Variants in SART1 observed in about 807,000 individuals in gnomAD.
SART1 encodes the protein spliceosome associated factor 1, recruiter of U4/U6.U5 tri-snRNP, also known as U4/U6.U5 tri-snRNP-associated protein 1.
Under a neutral mutation model 105.0 loss-of-function variants are expected in SART1, and 28 were observed. The ratio of observed to expected loss-of-function variants is 0.27; its 90% CI spans 0.20 to 0.37. SART1 has a LOEUF of 0.37. SART1 is among the 10% of genes least tolerant of loss of function. The pLI, the probability that SART1 is intolerant of heterozygous loss-of-function variation, is 1.00. For synonymous variants in SART1, 472 were observed against 462.9 expected (o/e 1.02, Z -0.25); for missense variants, 894 against 1,106.5 (o/e 0.81, Z 2.72).
At chr11:65,975,049 T>G (rs908342199) in intron 12 of SART1, among the ~76,000 whole-genome samples, 1 of 144,870 alleles carries the variant, frequency 6.9e-6, no homozygotes, top group African/African-American at 2.6e-5. Flanking sequence ...CAAAAAGAAA[T>G]AAAAATTAAA....
At position 65,977,550 on chromosome 11, in the gene SART1, C is replaced by T. The variant is rs115237748; in HGVS notation, c.1946-13C>T. ...TCGAGGGGTTGGGAGTCTCACAACC[C>T]CTCCATCCCTAGGGCTGCTGGAGAC... On this transcript the variant is annotated splice_polypyrimidine_tract_variant and intron_variant, in intron 15 of 19. Transcript: ENST00000312397. The T allele has an allele frequency of 3.0e-4, 490 of 1,612,112 alleles. 1 individual carries two copies. In the African/African-American group the frequency reaches 6.1e-3, roughly 20 times the overall value.
chr11:65,970,478 G>A (rs1041678541), intron 12 of SART1, among the ~76,000 whole-genome samples: 1 of 152,118 alleles, frequency 6.6e-6, no homozygotes, highest in Non-Finnish European at 1.5e-5. Flanking sequence ...GGCGGTGCTG[G>A]GGCCTAGAGT....
chr11:65,962,399 C>T (rs1201628058), intron 1 of SART1, among the ~76,000 whole-genome samples: 1 of 152,210 alleles, frequency 6.6e-6, no homozygotes, highest in Non-Finnish European at 1.5e-5. Context: ...TGCTTGAGGA[C>T]AGAGGGCTTC....
In SART1 at chr11:65,978,595, C is replaced by T. The variant is rs1855530284; in HGVS notation, c.2173-5C>T. The stretch of plus-strand genomic sequence containing the variant: ...TGCATCTCCTCTCATGCCCCGCGTC[C>T]CCAGGCTTTCCGGCAGCTGTCGCAC... On this transcript the variant is annotated splice_region_variant and splice_polypyrimidine_tract_variant and intron_variant, in intron 17 of 19. Coordinates refer to ENST00000312397, the MANE Select transcript of SART1 (RefSeq NM_005146.5). The surrounding 1 kb of genome is among the most constrained non-coding windows in gnomAD (Gnocchi z 6.8). 6.4e-7 allele frequency: 1 copy of T among 1,557,184 alleles called. No individual in the cohort carries two copies. Among genetic ancestry groups the T allele is most frequent in the Non-Finnish European group, 8.7e-7 (1 of 1,150,280 alleles).
In SART1 at chr11:65,965,958, G is replaced by A. The variant is rs1855244479; in HGVS notation, c.810G>A (p.Glu270=). 6.2e-7 allele frequency: 1 copy of A among 1,613,998 alleles called. No individual in the cohort carries two copies. Among genetic ancestry groups the A allele is most frequent in the Admixed American group, 1.7e-5 (1 of 60,004 alleles). ...EHAIDSFREG[E]TMILTLKDKG... is the part of the protein sequence containing the mutation. ...CCATTGATTCCTTCCGAGAAGGGGA[G>A]ACAATGATTCTTACCCTCAAGGACA... is the stretch of plus-strand genomic sequence containing the variant. The change falls in exon 7 of 20, where the codon GAG becomes GAA. Residue 270 remains glutamate (E), a synonymous_variant. Coordinates refer to ENST00000312397, the MANE Select transcript of SART1 (RefSeq NM_005146.5).
At chr11:65,963,895 C>G (rs1855195654) in intron 1 of SART1, 179 bp from the exon 2 acceptor site, 1 of 618,804 alleles carries the variant, frequency 1.6e-6, no homozygotes, top group Admixed American at 2.8e-5. Flanking sequence ...GGCTCTGAGA[C>G]TGGACTCGGG....
Position 65,977,859 on chromosome 11 carries a change from A to C in SART1, c.2132A>C (p.Glu711Ala). ...GGCTACAAACCCGACGTTAAGATCG[A>C]ATACGTGGATGAGACGGGCCGGAAA... ...KDGYKPDVKI[E>A]YVDETGRKLT... The change falls in exon 17 of 20, where the codon GAA (glutamate) becomes GCA (alanine). Residue 711 changes from glutamate to alanine, a missense_variant. By Grantham distance (107) the Glu-to-Ala change is moderately radical. This residue lies in a region of SART1 where 182 missense variants were observed against 328.3 expected (regional missense o/e 0.55). Transcript: ENST00000312397. 6.2e-7 allele frequency: 1 copy of C among 1,613,864 alleles called. No homozygotes were observed. The highest frequency in any genetic ancestry group is 8.5e-7 in the Non-Finnish European group (1 of 1,179,922).
rs763883673 is a variant in SART1 at position 65,967,366 on chromosome 11, T to C, written c.1296T>C (p.Asp432=). The C allele has an allele frequency of 1.9e-6, 3 of 1,613,922 alleles. No homozygotes were observed. The highest frequency in any genetic ancestry group is 2.7e-5 in the African/African-American group (2 of 74,892). ...TGCCTCTCGGGGACCAGACTCAGGA[T>C]GGGGACTTTGGTTCCAGGTGGGCTT... ...DLLPLGDQTQ[D]GDFGSRLRGR... is the part of the protein sequence containing the mutation. The change falls in exon 10 of 20, where the codon GAT becomes GAC. Residue 432 remains aspartate (D), a synonymous_variant. Coordinates refer to ENST00000312397, the MANE Select transcript of SART1 (RefSeq NM_005146.5).
Position 65,967,528 on chromosome 11 carries a change from G to T in SART1, c.1371G>T (p.Val457=). 3.1e-6 allele frequency: 5 copies of T among 1,613,042 alleles called. No homozygotes were observed. The highest frequency in any genetic ancestry group is 4.2e-6 in the Non-Finnish European group (5 of 1,180,000). ...VSEVEEEKEP[V]PQPLPSDDTR... is the part of the protein sequence containing the mutation. ...AAGTGGAGGAGGAGAAGGAGCCTGT[G>T]CCTCAGCCCCTGCCGTCGGACGACA... Residue 457 remains valine (V), a synonymous_variant, in exon 11 of 20, where the codon GTG becomes GTT. Coordinates refer to ENST00000312397, the MANE Select transcript of SART1 (RefSeq NM_005146.5).
Position 65,961,756 on chromosome 11 carries a change from C to G in SART1, c.-25C>G, listed in dbSNP as rs1162387873. ...TTGCGTTGTCTGGGCTCGGCGGCAG[C>G]CGGGCTCGGAGTGGACGTGCCACTA... On this transcript the variant is annotated 5_prime_UTR_variant, in exon 1 of 20. Coordinates refer to ENST00000312397, the MANE Select transcript of SART1 (RefSeq NM_005146.5). 5 of 1,469,628 alleles carry G rather than the reference C, an allele frequency of 3.4e-6. No homozygotes were observed. The African/African-American group carries it at 7.4e-5, about 22-fold the overall frequency. 91.0% of individuals were successfully genotyped at this position (1,469,628 alleles called of 1,614,324 possible).
intron 15 of SART1, 22 bp from the exon 16 acceptor site, chr11:65,977,541 C>A: frequency 6.2e-7 from 1 of 1,610,184 alleles, no homozygotes; most frequent in South Asian, 1.1e-5. Flanking sequence ...GGTTGGGAGT[C>A]TCACAACCCC....
At chr11:65,975,410 ATTT>A (rs531946236) in intron 12 of SART1, among the ~76,000 whole-genome samples, 2 of 110,106 alleles carry the variant, frequency 1.8e-5, no homozygotes, top group South Asian at 3.2e-4. Flanking sequence ...CCCTGGAAGA[ATTT>A]TTTTTTTTTT....
At chr11:65,966,824 C>A (rs1343493385) in intron 9 of SART1, among the ~76,000 whole-genome samples, 1 of 152,144 alleles carries the variant, frequency 6.6e-6, no homozygotes, top group African/African-American at 2.4e-5. Flanking sequence ...CCTGGGGCAC[C>A]CCATCTGGAA....
chr11:65,971,575 CT>C (rs1855380662), intron 12 of SART1, among the ~76,000 whole-genome samples: 1 of 6,958 alleles, frequency 1.4e-4, no homozygotes, highest in Non-Finnish European at 3.3e-4. Context: ...GATTCATGAG[CT>C]GCTGAAGAGG....
chr11:65,969,568 G>A (rs1855330290), intron 12 of SART1, among the ~76,000 whole-genome samples: 1 of 152,180 alleles, frequency 6.6e-6, no homozygotes, highest in Non-Finnish European at 1.5e-5. Flanking sequence ...TCCTGCCTCA[G>A]GCTCTCAAGT....
At chr11:65,967,944 G>A (rs924484972) in intron 12 of SART1, 123 bp downstream of exon 12, 2 of 871,258 alleles carry the variant, frequency 2.3e-6, no homozygotes, top group Admixed American at 9.1e-5. Flanking sequence ...TTGTTTTCTG[G>A]GTTTGTTTTT....
Position 65,961,813 on chromosome 11 carries a change from G to T in SART1, c.33G>T (p.Lys11Asn), listed in dbSNP as rs768508713. 7 of 1,561,160 alleles carry T rather than the reference G, an allele frequency of 4.5e-6. No homozygotes were observed. In the East Asian group the frequency reaches 1.8e-4, roughly 39 times the overall value. MGSSKKHRGEKEAAGTTAAAG... is the reference protein window; with the variant it reads MGSSKKHRGENEAAGTTAAAG... ...CGTCCAAGAAGCATCGCGGAGAGAA[G>T]GAGGCGGCCGGGACGACGGCGGCGG... Residue 11 changes from lysine (K) to asparagine (N), a missense_variant, in exon 1 of 20, where the codon AAG becomes AAT. Transcript: ENST00000312397.
intron 2 of SART1, 47 bp from the exon 3 acceptor site, chr11:65,964,468 A>C (rs576595123): frequency 6.2e-7 from 1 of 1,604,198 alleles, no homozygotes; most frequent in African/African-American, 1.3e-5. Context: ...TGCACATGGC[A>C]CCCTGTGTCT....
intron 3 of SART1, 41 bp from the exon 4 acceptor site, chr11:65,965,051 C>A (rs763010445): frequency 6.5e-7 from 1 of 1,538,640 alleles, no homozygotes; most frequent in Non-Finnish European, 8.7e-7. Flanking sequence ...TCCCCACCAG[C>A]CATGGGCGGG....
Sources: gnomAD v4.1 joint callset for allele counts (sites outside exome capture counted in the v4.1 genomes callset) on GRCh38, gnomAD v4.1.1 for gene constraint, gnomAD v4.1.1 regional missense constraint, Gnocchi (gnomAD v3.1) non-coding constraint, MANE v1.5 for transcripts, NCBI Gene and HGNC (gene_info 2026-07-23, HGNC 2026-07-21) for gene names.